The following KIF25 variants were observed in gnomAD, a reference collection of about 807,000 sequenced individuals.
KIF25 encodes the protein kinesin-like protein KIF25.
In KIF25, 19 loss-of-function variants were observed where a neutral mutation model predicts 32.9. That is an observed-to-expected ratio of 0.58 (90% CI 0.40 to 0.85). The LOEUF (loss-of-function observed/expected upper bound fraction) is 0.85. KIF25 is among the 40% of genes least tolerant of loss of function. KIF25 has a pLI of 0.00. For missense variants in KIF25, 485 were observed against 507.0 expected (o/e 0.96, Z 0.42); for synonymous variants, 225 against 213.7 (o/e 1.05, Z -0.46).
intron 5 of KIF25, among the ~76,000 whole-genome samples, chr6:168,021,325 A>C (rs73042809): frequency 0.047 from 7,091 of 152,282 alleles, 168 homozygotes; most frequent in Non-Finnish European, 0.063. Context: ...CCCAACATCA[A>C]AGTCATCAAA....
chr6:168,011,347 TA>T (rs1798644659), intron 4 of KIF25, among the ~76,000 whole-genome samples: 1 of 152,214 alleles, frequency 6.6e-6, no homozygotes, highest in Non-Finnish European at 1.5e-5. Context: ...CTTCCACATG[TA>T]AGACACCCTT....
chr6:168,038,632 C>T lies in KIF25; in HGVS notation c.397C>T (p.Leu133Phe). The T allele has an allele frequency of 6.2e-7, 1 of 1,614,186 alleles. No homozygotes were observed. The highest frequency in any genetic ancestry group is 8.5e-7 in the Non-Finnish European group (1 of 1,180,032). Residue 133 changes from leucine (L) to phenylalanine (F), a missense_variant, in exon 9 of 13, where the codon CTT (leucine) becomes TTT (phenylalanine). By Grantham distance (22) the Leu-to-Phe change is conservative. Transcript: ENST00000643607. ...VEVYNNDIFD[L>F]LAKDSIAAVS... ...AGTTTACAATAATGACATTTTTGAC[C>T]TTCTGGCCAAAGACAGCATTGCAGC... is the stretch of plus-strand genomic sequence containing the variant.
chr6:168,042,100 C>T lies in KIF25; in HGVS notation c.778C>T (p.Gln260Ter). The T allele has an allele frequency of 1.9e-6, 3 of 1,551,568 alleles. No individual in the cohort carries two copies. The highest frequency in any genetic ancestry group is 4.9e-5 in the East Asian group (2 of 41,092). ...TGGGAACCCCGCAGGGCATGCGGAG[C>T]AGGTGCAGGCTCGACTACAGCTCGT... is the stretch of plus-strand genomic sequence containing the variant. The part of the protein sequence containing the change: ...VPGNPAGHAE[Q>*]VQARLQLVDS... The change falls in exon 11 of 13, where the codon CAG (glutamine) becomes TAG (stop). Residue 260 changes from glutamine (Q) to a stop codon, truncating the protein, a stop_gained. Transcript: ENST00000643607. LOFTEE classifies it high-confidence loss of function.
intron 8 of KIF25, among the ~76,000 whole-genome samples, chr6:168,036,387 C>T (rs1330595321): frequency 6.6e-6 from 1 of 152,212 alleles, no homozygotes; most frequent in African/African-American, 2.4e-5. Context: ...GAACAGATGG[C>T]AGAGACAAAG....
rs141788927 is a variant in KIF25 at position 168,044,890 on chromosome 6, C to T, written c.1049C>T (p.Thr350Met). 1.1e-4 allele frequency: 175 copies of T among 1,612,812 alleles called. 1 individual carries two copies. In the East Asian group the frequency reaches 3.4e-3, roughly 32 times the overall value. ...ISPSQRHLAQ[T>M]LQGLGFGIRA... ...CCCAGCCAGAGGCACCTGGCACAGA[C>T]GTTGCAGGGCCTGGGTTTCGGGATC... The change falls in exon 13 of 13, where the codon ACG becomes ATG. Residue 350 changes from threonine (T) to methionine (M), a missense_variant. Coordinates refer to ENST00000643607, the MANE Select transcript of KIF25 (RefSeq NM_030615.4).
chr6:168,005,985 C>T (rs1798574606), intron 4 of KIF25, among the ~76,000 whole-genome samples: 1 of 152,162 alleles, frequency 6.6e-6, no homozygotes, highest in African/African-American at 2.4e-5. Flanking sequence ...TGTTCCTGGC[C>T]CAGCAAGGGC....
At chr6:168,029,301 A>G (rs779692143) in intron 5 of KIF25, among the ~76,000 whole-genome samples, 191 bp from the exon 6 acceptor site, 6 of 152,270 alleles carry the variant, frequency 3.9e-5, no homozygotes, top group Non-Finnish European at 7.3e-5. Flanking sequence ...CTTAGAAGGC[A>G]GCAACCCTGT....
chr6:168,035,486 G>GGGC (rs1799009427), intron 8 of KIF25, among the ~76,000 whole-genome samples: 5 of 146,704 alleles, frequency 3.4e-5, no homozygotes, highest in Non-Finnish European at 6.0e-5. Flanking sequence ...CGGTGCTGAG[G>GGGC]TGGTGGCGGG....
intron 12 of KIF25, 107 bp downstream of exon 12, chr6:168,042,823 C>T (rs1429118923): frequency 1.5e-6 from 2 of 1,314,306 alleles, no homozygotes; most frequent in Non-Finnish European, 2.1e-6. Context: ...GCACCCCCTG[C>T]ACCTCCTGTG....
Position 168,020,358 on chromosome 6 carries a change from C to T in KIF25, c.-95+2318C>T, listed in dbSNP as rs935742151. Among the ~76,000 whole-genome samples the T allele has an allele frequency of 3.3e-5, 5 of 152,084 alleles. No individual in the cohort carries two copies. The South Asian group carries it at 1.0e-3, about 32-fold the overall frequency. On this transcript the variant is annotated intron_variant, in intron 5 of 12. Transcript: ENST00000643607. ...ATGTCTTTCAAATACAAAGACATTT[C>T]CAGACATGGGAAAGCTGAGAGAATT...
chr6:168,043,882 G>A (rs1270801790), intron 12 of KIF25, among the ~76,000 whole-genome samples: 1 of 152,226 alleles, frequency 6.6e-6, no homozygotes, highest in Non-Finnish European at 1.5e-5. Flanking sequence ...TGAAAAACAG[G>A]AAGAGACAGC....
intron 5 of KIF25, among the ~76,000 whole-genome samples, chr6:168,027,044 G>T (rs1385607912): frequency 2.0e-5 from 3 of 152,138 alleles, no homozygotes; most frequent in Non-Finnish European, 4.4e-5. Context: ...TTCCCAGGAG[G>T]CTGCGCTGAG....
chr6:168,002,026 G>A lies in KIF25; in HGVS notation c.-369-517G>A, dbSNP rs572041521. Among the ~76,000 whole-genome samples, 916 of 134,050 alleles carry A rather than the reference G, an allele frequency of 6.8e-3. 2 individuals carry two copies. Among genetic ancestry groups the A allele is most frequent in the African/African-American group, 0.022 (801 of 36,556 alleles). 87.9% of individuals were successfully genotyped at this position (134,050 alleles called of 152,430 possible). ...AGAAAGACACCTGAGGCGTGGCCTC[G>A]GGCAGGTGAGAAGACACCTGAGGCA... On this transcript the variant is annotated intron_variant, in intron 2 of 12. Coordinates refer to ENST00000643607, the MANE Select transcript of KIF25 (RefSeq NM_030615.4).
At chr6:168,020,046 G>A (rs140772139) in intron 5 of KIF25, among the ~76,000 whole-genome samples, 17,358 of 152,030 alleles carry the variant, frequency 0.11, 1,229 homozygotes, top group Middle Eastern at 0.17. Context: ...CAGGAGAATC[G>A]CTTGAACTCA....
chr6:168,039,204 T>C (rs73788691), intron 9 of KIF25, among the ~76,000 whole-genome samples: 3,580 of 152,232 alleles, frequency 0.024, 159 homozygotes, highest in African/African-American at 0.082. Flanking sequence ...GCCCCTCAGA[T>C]GGGCGTCATC....
intron 8 of KIF25, 128 bp downstream of exon 8, chr6:168,034,159 G>C: frequency 1.1e-6 from 1 of 901,474 alleles, no homozygotes; most frequent in Non-Finnish European, 1.7e-6. Flanking sequence ...AATCTCATCA[G>C]ATACATTCAA....
chr6:168,001,677 G>C (rs58521335), intron 2 of KIF25, among the ~76,000 whole-genome samples: 7 of 93,858 alleles, frequency 7.5e-5, no homozygotes, highest in East Asian at 4.5e-4. Context: ...GAAGACACCT[G>C]AGGCGTGGCC....
intron 5 of KIF25, among the ~76,000 whole-genome samples, chr6:168,018,801 C>CTT (rs1798749957): frequency 6.6e-6 from 1 of 152,206 alleles, no homozygotes. Context: ...GACGTCAGTG[C>CTT]CTGAGGCCTC....
At chr6:168,036,045 T>C in intron 8 of KIF25, 1 of 250,254 alleles carries the variant, frequency 4.0e-6, no homozygotes, top group Admixed American at 4.4e-5. Flanking sequence ...AGAGATAGTT[T>C]ACAGGAACCC....
Sources: allele counts gnomAD v4.1 joint callset (sites outside exome capture counted in the v4.1 genomes callset), GRCh38; gene constraint gnomAD v4.1.1; transcripts MANE v1.5; gene names NCBI Gene and HGNC (gene_info 2026-07-23, HGNC 2026-07-21).